The following CEMIP variants were observed in gnomAD, a reference collection of about 807,000 sequenced individuals.
CEMIP encodes cell migration-inducing and hyaluronan-binding protein.
In CEMIP, 105 loss-of-function variants were observed where a neutral mutation model predicts 156.9. The observed-to-expected ratio is 0.67, with a 90% CI of 0.57 to 0.79. The LOEUF is 0.79. CEMIP is among the 30% of genes least tolerant of loss of function. CEMIP has a pLI of 0.00. For synonymous variants in CEMIP, 676 were observed against 668.4 expected (o/e 1.01, Z -0.17); for missense variants, 1,457 against 1,769.4 (o/e 0.82, Z 3.17).
Position 80,900,642 on chromosome 15 carries a change from G to GTGTGTGTGTGTGTGTGTGTC in CEMIP, c.1411+4589_1411+4590insGTGTGTGTGTGTCTGTGTGT, listed in dbSNP as rs1596172870. On this transcript the variant is annotated intron_variant, in intron 12 of 29. Coordinates refer to ENST00000394685, the MANE Select transcript of CEMIP (RefSeq NM_001293298.2). ...TGTGTGTGTGTGTGTGTGTGTGTGT[G>GTGTGTGTGTGTGTGTGTGTC]TGTGTGTCTGTGTGTGTGTCTGTGT... is the stretch of plus-strand genomic sequence containing the variant. 2.4e-5 allele frequency among the ~76,000 whole-genome samples: 3 copies of GTGTGTGTGTGTGTGTGTGTC among 127,220 alleles called. No homozygotes were observed. In the East Asian group the frequency reaches 6.1e-4, roughly 26 times the overall value. 83.5% of individuals were successfully genotyped at this position (127,220 alleles called of 152,430 possible).
At chr15:80,871,054 C>T (rs1898271793) in intron 1 of CEMIP, among the ~76,000 whole-genome samples, 1 of 152,224 alleles carries the variant, frequency 6.6e-6, no homozygotes, top group South Asian at 2.1e-4. Flanking sequence ...ACTATCTTGC[C>T]AGCTAAGAAG....
At chr15:80,794,997 G>A (rs192562186) in intron 1 of CEMIP, among the ~76,000 whole-genome samples, 1 of 152,138 alleles carries the variant, frequency 6.6e-6, no homozygotes, top group East Asian at 1.9e-4. Context: ...ACCAAGAGTG[G>A]GGGCAAGGAT....
At chr15:80,915,845 A>C (rs1210525321) in intron 14 of CEMIP, among the ~76,000 whole-genome samples, 1 of 62,982 alleles carries the variant, frequency 1.6e-5, no homozygotes, top group Non-Finnish European at 6.1e-5. Context: ...ACTCATTAAG[A>C]CACTCTGTAA....
intron 1 of CEMIP, among the ~76,000 whole-genome samples, chr15:80,871,665 C>T (rs1396183145): frequency 6.6e-6 from 1 of 152,172 alleles, no homozygotes; most frequent in African/African-American, 2.4e-5. Flanking sequence ...CCTCTGAAGC[C>T]ATGATGATTT....
intron 1 of CEMIP, among the ~76,000 whole-genome samples, chr15:80,814,766 A>G (rs1052048779): frequency 6.6e-6 from 1 of 152,216 alleles, no homozygotes; most frequent in Non-Finnish European, 1.5e-5. Context: ...AGATTTCACT[A>G]ATTCCTCCAA....
At chr15:80,905,986 T>C (rs768495230) in intron 12 of CEMIP, among the ~76,000 whole-genome samples, 4 of 152,196 alleles carry the variant, frequency 2.6e-5, no homozygotes, top group Admixed American at 1.3e-4. Flanking sequence ...GAAGCTCCAA[T>C]CTGGCTCTTT....
At chr15:80,837,913 G>A (rs1468766634) in intron 1 of CEMIP, among the ~76,000 whole-genome samples, 1 of 152,150 alleles carries the variant, frequency 6.6e-6, no homozygotes, top group Non-Finnish European at 1.5e-5. Flanking sequence ...TTTCCTCTGT[G>A]CCCTCCACTG....
At chr15:80,895,717 C>T (rs1899196433) in intron 11 of CEMIP, 152 bp from the exon 12 acceptor site, 1 of 733,540 alleles carries the variant, frequency 1.4e-6, no homozygotes, top group East Asian at 2.7e-5. Flanking sequence ...AAAACCTTTA[C>T]CAAGAGTGGG....
chr15:80,908,111 C>T (rs1899883589), intron 13 of CEMIP, among the ~76,000 whole-genome samples: 1 of 152,188 alleles, frequency 6.6e-6, no homozygotes, highest in South Asian at 2.1e-4. Context: ...TTTATATATC[C>T]AGTCATCTCC....
At chr15:80,944,064 G>A (rs895003918) in intron 28 of CEMIP, among the ~76,000 whole-genome samples, 4 of 152,148 alleles carry the variant, frequency 2.6e-5, no homozygotes, top group East Asian at 1.9e-4. Context: ...TGGATCATGA[G>A]GTCAGGAGTT....
At position 80,947,042 on chromosome 15, in the gene CEMIP, C is replaced by G. The variant is rs770505337; in HGVS notation, c.3935C>G (p.Ala1312Gly). The part of the protein sequence containing the change: ...PWTRVLEKLG[A>G]DRGLKLKEQM... ...ACCAGAGTGCTGGAAAAGCTTGGGG[C>G]AGACAGGGGTCTCAAGTTGAAAGGT... The change falls in exon 29 of 30, where the codon GCA becomes GGA. Residue 1312 changes from alanine to glycine, a missense_variant. Transcript: ENST00000394685. The G allele has an allele frequency of 1.9e-6, 3 of 1,613,528 alleles. No individual in the cohort carries two copies. The highest frequency in any genetic ancestry group is 3.3e-5 in the Admixed American group (2 of 60,024).
chr15:80,894,902 CTGAGTA>C, intron 10 of CEMIP, 82 bp from the exon 11 acceptor site: 1 of 1,522,808 alleles, frequency 6.6e-7, no homozygotes, highest in South Asian at 1.1e-5. Context: ...TTTTAGACTT[CTGAGTA>C]TATGTTTAGA....
Position 80,924,657 on chromosome 15 carries a change from G to C in CEMIP, c.2239G>C (p.Glu747Gln), listed in dbSNP as rs768948748. The C allele has an allele frequency of 1.2e-6, 2 of 1,614,164 alleles. No homozygotes were observed. Among genetic ancestry groups the C allele is most frequent in the South Asian group, 2.2e-5 (2 of 91,068 alleles). ...MIIDNGVKTT[E>Q]ASAKDKRPFL... Reference sequence around the variant, plus strand: ...CATAGACAACGGAGTCAAAACCACCGAGGCCTCTGCCAAGGACAAGCGGCC... The same window carrying C: ...CATAGACAACGGAGTCAAAACCACCCAGGCCTCTGCCAAGGACAAGCGGCC... Residue 747 changes from glutamate to glutamine, a missense_variant, in exon 18 of 30, where the codon GAG becomes CAG. Around this residue, in one of 5 missense-constraint regions of CEMIP, gnomAD observed 798 missense variants for 980.1 expected, o/e 0.81. Coordinates refer to ENST00000394685, the MANE Select transcript of CEMIP (RefSeq NM_001293298.2).
At chr15:80,840,774 G>C (rs1195606038) in intron 1 of CEMIP, among the ~76,000 whole-genome samples, 2 of 152,188 alleles carry the variant, frequency 1.3e-5, no homozygotes, top group Non-Finnish European at 2.9e-5. Flanking sequence ...GGAGTCCTAG[G>C]GGGTCCAGGA....
At chr15:80,873,032 G>A (rs900270868) in intron 1 of CEMIP, among the ~76,000 whole-genome samples, 2 of 152,148 alleles carry the variant, frequency 1.3e-5, no homozygotes, top group African/African-American at 4.8e-5. Flanking sequence ...GCAGGAAGGA[G>A]AAGGGAGAGA....
chr15:80,844,131 C>T (rs374302181), intron 1 of CEMIP, among the ~76,000 whole-genome samples: 11 of 152,230 alleles, frequency 7.2e-5, no homozygotes, highest in Admixed American at 2.0e-4. Flanking sequence ...ATCGCTCAGG[C>T]GGGTCCACAC....
intron 18 of CEMIP, 83 bp downstream of exon 18, chr15:80,924,789 T>C: frequency 8.5e-7 from 1 of 1,170,774 alleles, no homozygotes; most frequent in Non-Finnish European, 1.3e-6. Flanking sequence ...ACTCATTCAT[T>C]CCCTGAGCAT....
intron 10 of CEMIP, among the ~76,000 whole-genome samples, chr15:80,890,851 G>A (rs2141848834): frequency 6.6e-6 from 1 of 152,136 alleles, no homozygotes; most frequent in East Asian, 1.9e-4. Context: ...TCTGCACTTA[G>A]CAAAGTCTGA....
chr15:80,827,544 G>A (rs1485727661), intron 1 of CEMIP, among the ~76,000 whole-genome samples: 8 of 150,590 alleles, frequency 5.3e-5, no homozygotes, highest in South Asian at 2.1e-4. Flanking sequence ...TCTTGAACCC[G>A]GGAGGTGGAG....
Sources: gnomAD v4.1 joint callset for allele counts (sites outside exome capture counted in the v4.1 genomes callset) on GRCh38, gnomAD v4.1.1 for gene constraint, gnomAD v4.1.1 regional missense constraint, MANE v1.5 for transcripts, NCBI Gene and HGNC (gene_info 2026-07-23, HGNC 2026-07-21) for gene names.